ECE1: variants seen among roughly 807,000 people sequenced by gnomAD.
The protein encoded by ECE1 is endothelin-converting enzyme 1.
In ECE1, 35 loss-of-function variants were observed where a neutral mutation model predicts 98.6. The observed-to-expected ratio is 0.35, with a 90% CI of 0.27 to 0.47. The LOEUF (loss-of-function observed/expected upper bound fraction) is 0.47, where lower values mean the gene tolerates loss of function less well. ECE1 is among the 20% of genes least tolerant of loss of function. The pLI is 1.00. For synonymous variants in ECE1, 394 were observed against 407.1 expected, an observed-to-expected ratio of 0.97 and a Z score of 0.39; for missense variants, 814 against 1,025.3, an observed-to-expected ratio of 0.79 and a Z score of 2.81.
At chr1:21,276,544 T>C (rs1315166458) in intron 3 of ECE1, among the ~76,000 whole-genome samples, 2 of 152,186 alleles carry the variant, frequency 1.3e-5, no homozygotes, top group Non-Finnish European at 2.9e-5. Context: ...TCTTGGAGAA[T>C]GTATTGTTTG....
chr1:21,273,769 C>T (rs936319851), intron 3 of ECE1, among the ~76,000 whole-genome samples: 2 of 152,176 alleles, frequency 1.3e-5, no homozygotes, highest in African/African-American at 4.8e-5. Flanking sequence ...GCAGAAGAAT[C>T]GTTTGAACCC....
chr1:21,265,888 G>A (rs924871923), intron 4 of ECE1, among the ~76,000 whole-genome samples: 5 of 152,114 alleles, frequency 3.3e-5, no homozygotes, highest in African/African-American at 7.2e-5. Flanking sequence ...GCACTTCTGC[G>A]GCCTCCTTGT....
At chr1:21,243,176 C>T (rs1237181517) in intron 10 of ECE1, among the ~76,000 whole-genome samples, 2 of 152,196 alleles carry the variant, frequency 1.3e-5, no homozygotes, top group African/African-American at 4.8e-5. Flanking sequence ...CCCTTTCCCT[C>T]ACTGAGCCTC....
chr1:21,332,803 C>T lies in ECE1; in HGVS notation c.3+12573G>A, dbSNP rs558248446. Among the ~76,000 whole-genome samples the T allele has an allele frequency of 1.3e-4, 8 of 59,290 alleles. No individual in the cohort carries two copies. In the South Asian group the frequency reaches 3.8e-3, roughly 28 times the overall value. The allele number at this position is 59,290 out of a possible 152,430, so 38.9% of individuals were successfully genotyped here. On this transcript the variant is annotated intron_variant, in intron 1 of 18. Transcript: ENST00000415912. ...GTGACCCTGAGAGAAGTCAGTCAGG[C>T]GAGGAGTTAGAGGGAAGGGGGCTGC... is the stretch of plus-strand genomic sequence containing the variant.
chr1:21,249,592 G>C (rs2098209458), intron 8 of ECE1, among the ~76,000 whole-genome samples: 1 of 152,072 alleles, frequency 6.6e-6, no homozygotes, highest in African/African-American at 2.4e-5. Context: ...CCAGGTGGGA[G>C]AATTGCTTGA....
intron 1 of ECE1, among the ~76,000 whole-genome samples, chr1:21,308,430 T>G (rs1308592224): frequency 6.6e-6 from 1 of 152,036 alleles, no homozygotes; most frequent in Non-Finnish European, 1.5e-5. Flanking sequence ...GGAACAGCCC[T>G]TCTCTGGAAT....
intron 8 of ECE1, among the ~76,000 whole-genome samples, chr1:21,251,055 C>T (rs2098212181): frequency 6.6e-6 from 1 of 151,910 alleles, no homozygotes; most frequent in South Asian, 2.1e-4. Context: ...GGTGACTTTC[C>T]TGAGGTCACA....
rs1263095404 is a variant in ECE1 at position 21,290,192 on chromosome 1, C to G, written c.52-36G>C. On this transcript the variant is annotated intron_variant, in intron 1 of 18. Transcript: ENST00000374893. This position sits in a 1 kb window ranked among gnomAD's most constrained non-coding sequence, Gnocchi z 7.3. ...AAATGCAGCACGGACTCCCTCAGCG[C>G]CTCCATGGCTCTCGCGCCCGAATGG... 6.7e-7 allele frequency: 1 copy of G among 1,499,560 alleles called. No individual in the cohort carries two copies. The highest frequency in any genetic ancestry group is 8.9e-7 in the Non-Finnish European group (1 of 1,124,324). The allele number at this position is 1,499,560 out of a possible 1,614,324, so 92.9% of individuals were successfully genotyped here.
In ECE1 at chr1:21,322,668, T is replaced by G. The variant is rs1269743124; in HGVS notation, c.3+22708A>C. On this transcript the variant is annotated intron_variant, in intron 1 of 18. Coordinates refer to the ECE1 transcript ENST00000415912. This position sits in a 1 kb window ranked among gnomAD's most constrained non-coding sequence, Gnocchi z 4.1. ...TTGGAAGTTGATCTAACCACCTAGCTGGGGAAAAGGACAAGAAAACCCAGC... is the reference window on the plus strand; with the variant it reads ...TTGGAAGTTGATCTAACCACCTAGCGGGGGAAAAGGACAAGAAAACCCAGC... Among the ~76,000 whole-genome samples the G allele has an allele frequency of 6.6e-6, 1 of 152,018 alleles. No homozygotes were observed. Among genetic ancestry groups the G allele is most frequent in the Non-Finnish European group, 1.5e-5 (1 of 68,010 alleles).
chr1:21,278,854 G>GTTA (rs2098250891), intron 3 of ECE1, among the ~76,000 whole-genome samples: 1 of 152,214 alleles, frequency 6.6e-6, no homozygotes, highest in Non-Finnish European at 1.5e-5. Flanking sequence ...TGGGACATAT[G>GTTA]TTATCTCTAG....
At chr1:21,280,670 G>A (rs940562884) in intron 2 of ECE1, among the ~76,000 whole-genome samples, 3 of 152,198 alleles carry the variant, frequency 2.0e-5, no homozygotes, top group East Asian at 1.9e-4. Context: ...GACCTGCAAC[G>A]GCCCCACCAA....
intron 8 of ECE1, among the ~76,000 whole-genome samples, chr1:21,249,132 C>A (rs2098208425): frequency 6.6e-6 from 1 of 152,052 alleles, no homozygotes; most frequent in South Asian, 2.1e-4. Flanking sequence ...CACCTGAGGT[C>A]AGGAGTTCAA....
chr1:21,315,624 T>A (rs536080743), intron 1 of ECE1, among the ~76,000 whole-genome samples: 1 of 152,044 alleles, frequency 6.6e-6, no homozygotes, highest in South Asian at 2.1e-4. Context: ...TGAAACTCCA[T>A]CTCTACTAAA....
intron 10 of ECE1, among the ~76,000 whole-genome samples, chr1:21,240,817 C>A (rs557848960): frequency 3.0e-4 from 45 of 152,348 alleles, no homozygotes; most frequent in Middle Eastern, 3.4e-3. Context: ...AGGCTCCAGG[C>A]TGTGAGGGCT....
intron 1 of ECE1, among the ~76,000 whole-genome samples, chr1:21,333,819 G>C (rs1008630327): frequency 6.6e-6 from 1 of 151,918 alleles, no homozygotes; most frequent in African/African-American, 2.4e-5. Flanking sequence ...GGGCAACAGA[G>C]CGAGACTCCG....
At chr1:21,273,121 G>C (rs1369754629) in intron 3 of ECE1, among the ~76,000 whole-genome samples, 1 of 152,212 alleles carries the variant, frequency 6.6e-6, no homozygotes, top group East Asian at 1.9e-4. Context: ...TCCTTCCTGT[G>C]GCTAAAAGGT....
chr1:21,272,713 A>T lies in ECE1; in HGVS notation c.479T>A (p.Ile160Asn). 6.2e-7 allele frequency: 1 copy of T among 1,614,216 alleles called. No individual in the cohort carries two copies. The highest frequency in any genetic ancestry group is 8.5e-7 in the Non-Finnish European group (1 of 1,180,040). The change falls in exon 4 of 19, where the codon ATC becomes AAC. Residue 160 changes from isoleucine (I) to asparagine (N), a missense_variant. Ile to Asn is a moderately radical substitution (Grantham distance 149). Around this residue, in one of 3 missense-constraint regions of ECE1, gnomAD observed 257 missense variants for 278.9 expected, o/e 0.92. Transcript: ENST00000374893. ...SNLWEHNQAI[I>N]KHLLENSTAS... ...TGGATGCTTACCGAGGAGGTGCTTG[A>T]TGATTGCTTGGTTGTGTTCCCAGAG...
At chr1:21,314,269 T>C (rs897704151) in intron 1 of ECE1, among the ~76,000 whole-genome samples, 36 of 152,140 alleles carry the variant, frequency 2.4e-4, no homozygotes, top group African/African-American at 8.0e-4. Flanking sequence ...GTGGGAGTTC[T>C]GGGAAGGGGG....
Position 21,220,653 on chromosome 1 carries a change from T to C in ECE1, c.2137-522A>G, listed in dbSNP as rs189822464. The stretch of plus-strand genomic sequence containing the variant: ...CTCTACTAAAAATACAAAAATTAGA[T>C]GGGCGTGGTGGTGCGTGCCTATATC... On this transcript the variant is annotated intron_variant, in intron 18 of 18. Transcript: ENST00000374893. This position sits in a 1 kb window ranked among gnomAD's most constrained non-coding sequence, Gnocchi z 5.0. 6.8e-3 allele frequency among the ~76,000 whole-genome samples: 1,031 copies of C among 152,064 alleles called. 9 individuals carry two copies. Among genetic ancestry groups the C allele is most frequent in the African/African-American group, 0.024 (980 of 41,490 alleles).
Sources: gnomAD v4.1 joint callset for allele counts (sites outside exome capture counted in the v4.1 genomes callset) on GRCh38, gnomAD v4.1.1 for gene constraint, gnomAD v4.1.1 regional missense constraint, Gnocchi (gnomAD v3.1) non-coding constraint, MANE v1.5 for transcripts, NCBI Gene and HGNC (gene_info 2026-07-23, HGNC 2026-07-21) for gene names.